NAV2: variants seen among roughly 807,000 people sequenced by gnomAD.
NAV2 encodes the protein helicase, APC down-regulated 1.
Under a neutral mutation model 223.2 loss-of-function variants are expected in NAV2, and 54 were observed. The observed-to-expected ratio is 0.24, with a 90% CI of 0.19 to 0.30. The LOEUF is 0.30. NAV2 is among the 10% of genes least tolerant of loss of function. The pLI, the probability that NAV2 is intolerant of heterozygous loss-of-function variation, is 1.00. For synonymous variants in NAV2, 1,279 were observed against 1,239.3 expected (o/e 1.03, Z -0.67); for missense variants, 2,806 against 3,147.5 (o/e 0.89, Z 2.60).
chr11:19,466,987 A>T (rs56106180), intron 1 of NAV2, among the ~76,000 whole-genome samples: 17,480 of 96,586 alleles, frequency 0.18, 1,079 homozygotes, highest in East Asian at 0.29. Context: ...CTCTCTCTAC[A>T]CACACACACA....
chr11:19,917,351 G>A (rs2043892321), intron 6 of NAV2, among the ~76,000 whole-genome samples: 1 of 152,160 alleles, frequency 6.6e-6, no homozygotes, highest in Admixed American at 6.5e-5. Flanking sequence ...TGTTGAGGGA[G>A]GGGGTGTCAC....
At chr11:19,833,555 C>T (rs1166963521) in intron 2 of NAV2, among the ~76,000 whole-genome samples, 1 of 152,200 alleles carries the variant, frequency 6.6e-6, no homozygotes, top group South Asian at 2.1e-4. Flanking sequence ...CATTGATTCT[C>T]CTCTTCTCCT....
chr11:20,065,237 G>C (rs2058970623), intron 20 of NAV2, among the ~76,000 whole-genome samples: 2 of 152,166 alleles, frequency 1.3e-5, no homozygotes, highest in Admixed American at 6.5e-5. Flanking sequence ...TAAAGTATTT[G>C]TTTGTTGTCT....
At chr11:19,632,333 T>A (rs2047369387) in intron 1 of NAV2, among the ~76,000 whole-genome samples, 1 of 152,238 alleles carries the variant, frequency 6.6e-6, no homozygotes, top group Admixed American at 6.5e-5. Context: ...CTTGAATAAT[T>A]CACATTATGA....
At chr11:19,813,050 C>T (rs573658997) in intron 1 of NAV2, among the ~76,000 whole-genome samples, 2 of 152,306 alleles carry the variant, frequency 1.3e-5, no homozygotes, top group South Asian at 4.2e-4. Flanking sequence ...GTAGCCTTTT[C>T]ATAACCTCTA....
chr11:19,834,082 G>A (rs1406487673), intron 2 of NAV2, among the ~76,000 whole-genome samples: 6 of 152,180 alleles, frequency 3.9e-5, no homozygotes, highest in Non-Finnish European at 7.4e-5. Context: ...ACACTCAAAG[G>A]GGACAGGATG....
At chr11:19,815,620 C>T (rs2059054177) in intron 1 of NAV2, among the ~76,000 whole-genome samples, 1 of 152,220 alleles carries the variant, frequency 6.6e-6, no homozygotes, top group Non-Finnish European at 1.5e-5. Flanking sequence ...TCTTCTTCAT[C>T]GTGGTCATCT....
intron 29 of NAV2, 62 bp from the exon 30 acceptor site, chr11:20,095,610 T>C (rs2061199495): frequency 8.2e-7 from 1 of 1,218,778 alleles, no homozygotes; most frequent in Non-Finnish European, 1.2e-6. Context: ...CTGAGTCCTC[T>C]GCTGAACTGA....
chr11:19,955,570 A>T (rs560384097), intron 10 of NAV2, among the ~76,000 whole-genome samples: 4 of 152,160 alleles, frequency 2.6e-5, no homozygotes, highest in Non-Finnish European at 5.9e-5. Context: ...TGAGCTTGAC[A>T]TTGTCAATAC....
intron 1 of NAV2, among the ~76,000 whole-genome samples, chr11:19,583,260 G>C (rs549534016): frequency 2.3e-4 from 35 of 152,292 alleles, no homozygotes; most frequent in Non-Finnish European, 4.0e-4. Flanking sequence ...TTGCTTATCA[G>C]CTTAAGGAGA....
chr11:19,585,726 G>A (rs944189738), intron 1 of NAV2, among the ~76,000 whole-genome samples: 4 of 152,192 alleles, frequency 2.6e-5, no homozygotes, highest in African/African-American at 4.8e-5. Context: ...CTTCTTGCTT[G>A]TAGAGTTTCT....
intron 1 of NAV2, among the ~76,000 whole-genome samples, chr11:19,812,516 C>G (rs2058884798): frequency 6.6e-6 from 1 of 152,000 alleles, no homozygotes; most frequent in South Asian, 2.1e-4. Flanking sequence ...CTGTTGAATC[C>G]TCTAAGATTA....
chr11:19,860,865 C>A (rs1381494174), intron 3 of NAV2, among the ~76,000 whole-genome samples: 14 of 151,578 alleles, frequency 9.2e-5, no homozygotes, highest in Admixed American at 6.0e-4. Flanking sequence ...CCCGTCTCCA[C>A]CCAAAAAATA....
intron 1 of NAV2, among the ~76,000 whole-genome samples, chr11:19,411,812 C>T (rs542468309): frequency 6.6e-5 from 10 of 152,236 alleles, no homozygotes; most frequent in African/African-American, 2.4e-4. Flanking sequence ...TTGGTACATC[C>T]CCATGACCCC....
chr11:19,838,646 C>T (rs987813482), intron 2 of NAV2, among the ~76,000 whole-genome samples: 5 of 152,162 alleles, frequency 3.3e-5, no homozygotes, highest in African/African-American at 9.7e-5. Flanking sequence ...TATTTTGAGA[C>T]AGGGTCTCAC....
rs1229718236 is a variant in NAV2, at chr11:19,933,337, G to T, written c.1093G>T (p.Val365Leu). 5 of 1,611,544 alleles carry T rather than the reference G, an allele frequency of 3.1e-6. No individual in the cohort carries two copies. Among genetic ancestry groups the T allele is most frequent in the Non-Finnish European group, 4.2e-6 (5 of 1,178,792 alleles). ...GCCTTGGCGCAGCAAATCCCTCAGC[G>T]TGAAGCACAGTGCCACGGTATCCAT... The part of the protein sequence containing the change: ...TKPWRSKSLS[V>L]KHSATVSMLS... The change falls in exon 7 of 38, where the codon GTG (valine) becomes TTG (leucine). Residue 365 changes from valine (V) to leucine (L), a missense_variant. Around this residue, in one of 4 missense-constraint regions of NAV2, gnomAD observed 1,167 missense variants for 1,180.5 expected, o/e 0.99. Coordinates refer to ENST00000349880, the MANE Select transcript of NAV2 (RefSeq NM_145117.5). This position sits in a 1 kb window ranked among gnomAD's most constrained non-coding sequence, Gnocchi z 4.3.
At position 20,055,830 on chromosome 11, in the gene NAV2, C is replaced by T. The variant is rs541596165; in HGVS notation, c.4704C>T (p.Ser1568=). 5 of 1,614,214 alleles carry T rather than the reference C, an allele frequency of 3.1e-6. No individual in the cohort carries two copies. In the African/African-American group the frequency reaches 6.7e-5, roughly 22 times the overall value. ...ACCCGACCATGCTGAGGACTCACAGCCTCTCCAATGCTGATGGGCAGTATG... is the reference window on the plus strand; with the variant it reads ...ACCCGACCATGCTGAGGACTCACAGTCTCTCCAATGCTGATGGGCAGTATG... ...LSNPTMLRTH[S]LSNADGQYDP... is the part of the protein sequence containing the mutation. The change falls in exon 19 of 38, where the codon AGC becomes AGT. Residue 1568 remains serine, a synonymous_variant. Transcript: ENST00000349880.
intron 7 of NAV2, among the ~76,000 whole-genome samples, chr11:19,937,351 T>TCTCC (rs2045994743): frequency 6.9e-6 from 1 of 145,526 alleles, no homozygotes; most frequent in Non-Finnish European, 1.5e-5. Context: ...TTATAATTGC[T>TCTCC]CCCCCCCCGC....
Position 20,114,623 on chromosome 11 carries a change from C to G in NAV2, c.6992C>G (p.Pro2331Arg). The G allele has an allele frequency of 6.2e-7, 1 of 1,614,196 alleles. No individual in the cohort carries two copies. ...LYGRRAPWED[P>R]AKWVMDTYPW... The stretch of plus-strand genomic sequence containing the variant: ...GGAAGGCGCGCCCCCTGGGAGGATC[C>G]TGCCAAGTGGGTGATGGACACATAT... The change falls in exon 37 of 38, where the codon CCT becomes CGT. Residue 2331 changes from proline to arginine, a missense_variant. Pro to Arg is a moderately radical substitution (Grantham distance 103, BLOSUM62 -2). Coordinates refer to ENST00000349880, the MANE Select transcript of NAV2 (RefSeq NM_145117.5).
Sources: gnomAD v4.1 joint callset for allele counts (sites outside exome capture counted in the v4.1 genomes callset) on GRCh38, gnomAD v4.1.1 for gene constraint, gnomAD v4.1.1 regional missense constraint, Gnocchi (gnomAD v3.1) non-coding constraint, MANE v1.5 for transcripts, NCBI Gene and HGNC (gene_info 2026-07-23, HGNC 2026-07-21) for gene names.